UGT3A2: variants seen among roughly 807,000 people sequenced by gnomAD.
UGT3A2 encodes UDP-glycosyltransferase 3A2.
Under a neutral mutation model 39.8 loss-of-function variants are expected in UGT3A2, and 32 were observed. The observed-to-expected ratio is 0.80, with a 90% CI of 0.61 to 1.08. The LOEUF (loss-of-function observed/expected upper bound fraction) is 1.08. Ranked by LOEUF, UGT3A2 falls within the 50% of genes least tolerant of loss-of-function variation. The pLI is 0.00. For synonymous variants in UGT3A2, 241 were observed against 230.7 expected, an observed-to-expected ratio of 1.04 and a Z score of -0.40; for missense variants, 611 against 637.1, an observed-to-expected ratio of 0.96 and a Z score of 0.44.
chr5:36,042,946 T>C (rs1742057419), intron 4 of UGT3A2, among the ~76,000 whole-genome samples: 1 of 151,896 alleles, frequency 6.6e-6, no homozygotes, highest in Non-Finnish European at 1.5e-5. Context: ...AGATGGAAAA[T>C]GCAACACTTT....
intron 4 of UGT3A2, among the ~76,000 whole-genome samples, chr5:36,047,008 C>T (rs1356038424): frequency 2.6e-5 from 4 of 152,324 alleles, no homozygotes; most frequent in African/African-American, 7.2e-5. Flanking sequence ...CATTCCTAAA[C>T]AAGTGTATGT....
chr5:36,037,912 G>A lies in UGT3A2; in HGVS notation c.1180C>T (p.Gln394Ter). The part of the protein sequence containing the change: ...PMVGIPLFGD[Q>*]PENMVRVEAK... ...TCTACTCGGACCATGTTTTCAGGCT[G>A]GTCTCCAAAGAGAGGGATCCCCACC... The change falls in exon 6 of 7, where the codon CAG becomes TAG. Residue 394 changes from glutamine (Q) to a stop codon, truncating the protein, a stop_gained. Coordinates refer to ENST00000282507, the MANE Select transcript of UGT3A2 (RefSeq NM_174914.4). LOFTEE classifies it high-confidence loss of function. 3 of 1,614,090 alleles carry A rather than the reference G, an allele frequency of 1.9e-6. No homozygotes were observed. The highest frequency in any genetic ancestry group is 2.5e-6 in the Non-Finnish European group (3 of 1,179,998).
chr5:36,037,236 A>G (rs1741858530), intron 6 of UGT3A2, among the ~76,000 whole-genome samples: 1 of 152,232 alleles, frequency 6.6e-6, no homozygotes, highest in Non-Finnish European at 1.5e-5. Context: ...CTGTAAACAA[A>G]CAAACACATA....
intron 4 of UGT3A2, among the ~76,000 whole-genome samples, chr5:36,043,098 T>G (rs1272485804): frequency 1.3e-5 from 2 of 152,092 alleles, no homozygotes; most frequent in Admixed American, 1.3e-4. Context: ...ACTCAGCACA[T>G]GGACCATGTT....
Position 36,035,726 on chromosome 5 carries a change from C to T in UGT3A2, c.1544G>A (p.Arg515His), listed in dbSNP as rs138640717. ...TGTCTCCTTCACCTTTCTGGCCCCA[C>T]GCAGCCACCAGACAGCCATGCCCAG... is the stretch of plus-strand genomic sequence containing the variant. Reference protein sequence around the residue: ...KLLGMAVWWLRGARKVKET With the variant: ...KLLGMAVWWLHGARKVKET The change falls in exon 7 of 7, where the codon CGT (arginine) becomes CAT (histidine). Residue 515 changes from arginine to histidine, a missense_variant. Coordinates refer to ENST00000282507, the MANE Select transcript of UGT3A2 (RefSeq NM_174914.4). 1.9e-4 allele frequency: 305 copies of T among 1,614,188 alleles called. 1 individual carries two copies. Among genetic ancestry groups the T allele is most frequent in the Non-Finnish European group, 2.2e-4 (265 of 1,180,034 alleles).
At chr5:36,043,182 C>G (rs1165918739) in intron 4 of UGT3A2, among the ~76,000 whole-genome samples, 1 of 151,930 alleles carries the variant, frequency 6.6e-6, no homozygotes, top group Non-Finnish European at 1.5e-5. Flanking sequence ...TATCAACTAC[C>G]TTCTTAGGCC....
intron 1 of UGT3A2, 83 bp from the exon 2 acceptor site, chr5:36,064,433 G>C: frequency 1.6e-6 from 2 of 1,227,154 alleles, no homozygotes; most frequent in Non-Finnish European, 2.3e-6. Context: ...GGAGAGGAAA[G>C]GTAAGGAAAC....
intron 4 of UGT3A2, among the ~76,000 whole-genome samples, chr5:36,041,140 T>C (rs929542619): frequency 4.0e-5 from 6 of 151,888 alleles, no homozygotes; most frequent in African/African-American, 1.5e-4. Flanking sequence ...AAAATAAACA[T>C]CAGCAGTAGC....
chr5:36,044,436 C>T (rs573746896), intron 4 of UGT3A2, among the ~76,000 whole-genome samples: 76 of 152,148 alleles, frequency 5.0e-4, no homozygotes, highest in African/African-American at 1.8e-3. Context: ...AGGATGCCCA[C>T]TTTTACCACA....
Position 36,061,278 on chromosome 5 carries a change from T to A in UGT3A2, c.196+2971A>T, listed in dbSNP as rs559608464. ...ATTATACTTTAAGTTTTAGGGTACA[T>A]GTGCACATTGTGCAGGTTAGTTACA... is the stretch of plus-strand genomic sequence containing the variant. On this transcript the variant is annotated intron_variant, in intron 2 of 6. Transcript: ENST00000282507. Among the ~76,000 whole-genome samples, 19 of 152,184 alleles carry A rather than the reference T, an allele frequency of 1.2e-4. 1 individual carries two copies. In the South Asian group the frequency reaches 2.7e-3, roughly 22 times the overall value.
intron 2 of UGT3A2, among the ~76,000 whole-genome samples, chr5:36,063,031 A>G (rs1434385890): frequency 4.7e-5 from 7 of 149,176 alleles, no homozygotes; most frequent in Non-Finnish European, 1.5e-5. Context: ...ACAGAGCGAG[A>G]CTCTGTCTCA....
intron 3 of UGT3A2, among the ~76,000 whole-genome samples, chr5:36,051,095 A>G (rs960812608): frequency 6.6e-6 from 1 of 152,154 alleles, no homozygotes; most frequent in Non-Finnish European, 1.5e-5. Context: ...AGACGTATAG[A>G]GGAGAGAACG....
At chr5:36,058,380 G>A (rs961043581) in intron 2 of UGT3A2, among the ~76,000 whole-genome samples, 5 of 152,154 alleles carry the variant, frequency 3.3e-5, no homozygotes, top group East Asian at 1.9e-4. Flanking sequence ...GTAATGGGGC[G>A]TTGTTGGAGG....
At chr5:36,041,673 T>G (rs1324419130) in intron 4 of UGT3A2, among the ~76,000 whole-genome samples, 3 of 152,234 alleles carry the variant, frequency 2.0e-5, no homozygotes, top group Non-Finnish European at 4.4e-5. Flanking sequence ...AGAGTCAGCA[T>G]GACTGGGCTT....
chr5:36,057,517 TTCTCTCTC>T (rs148807603), intron 2 of UGT3A2, among the ~76,000 whole-genome samples: 9 of 149,824 alleles, frequency 6.0e-5, no homozygotes, highest in Admixed American at 2.7e-4. Flanking sequence ...TTTCAGTAGT[TTCTCTCTC>T]TCTCTCTCTC....
chr5:36,051,896 G>A lies in UGT3A2; in HGVS notation c.285C>T (p.Phe95=). 1.3e-6 allele frequency: 2 copies of A among 1,590,306 alleles called. No individual in the cohort carries two copies. Among genetic ancestry groups the A allele is most frequent in the African/African-American group, 1.4e-5 (1 of 73,274 alleles). ...TGCCACCTAAAGTTTCTTCCAGAAAGAAATCAAAACTCTTTTTAAATTCTC... is the reference window on the plus strand; with the variant it reads ...TGCCACCTAAAGTTTCTTCCAGAAAAAAATCAAAACTCTTTTTAAATTCTC... The part of the protein sequence containing the change: ...HQREFKKSFD[F]FLEETLGGRG... The change falls in exon 3 of 7, where the codon TTC becomes TTT. Residue 95 remains phenylalanine, a synonymous_variant. Transcript: ENST00000282507.
chr5:36,036,049 G>C (rs1741818057), intron 6 of UGT3A2, 75 bp from the exon 7 acceptor site: 1 of 1,530,890 alleles, frequency 6.5e-7, no homozygotes, highest in African/African-American at 1.4e-5. Context: ...CGTTCTATAT[G>C]ATGCACCAAA....
intron 4 of UGT3A2, among the ~76,000 whole-genome samples, chr5:36,041,094 G>C (rs1741991878): frequency 6.6e-6 from 1 of 151,328 alleles, no homozygotes; most frequent in Non-Finnish European, 1.5e-5. Flanking sequence ...AGCCTGGCAG[G>C]ATTCACCACC....
In UGT3A2 at chr5:36,035,374, GA is replaced by G. The variant is rs1320588120; in HGVS notation, c.*323del. 3.0e-6 allele frequency: 1 copy of G among 334,464 alleles called. No homozygotes were observed. The highest frequency in any genetic ancestry group is 5.6e-6 in the Non-Finnish European group (1 of 177,792). The allele number at this position is 334,464 out of a possible 1,614,324, so 20.7% of individuals were successfully genotyped here. A position where few individuals can be genotyped will look rare whatever the true frequency, so the allele number is the denominator to read the frequency against. On this transcript the variant is annotated 3_prime_UTR_variant, in exon 7 of 7. Transcript: ENST00000282507. ...GTGATTCGGAGAGGCGCATGAGAAG[GA>G]AGGTGGATTTTAAGGCTGGAAATCT...
Sources: gnomAD v4.1 joint callset for allele counts (sites outside exome capture counted in the v4.1 genomes callset) on GRCh38, gnomAD v4.1.1 for gene constraint, MANE v1.5 for transcripts, NCBI Gene and HGNC (gene_info 2026-07-23, HGNC 2026-07-21) for gene names.